The following BCL2L13 variants were observed in gnomAD, a reference collection of about 807,000 sequenced individuals.
The protein encoded by BCL2L13 is BCL2 like 13, also known as bcl-2-like protein 13.
Under a neutral mutation model 25.8 loss-of-function variants are expected in BCL2L13, and 13 were observed. The observed-to-expected ratio is 0.50, with a 90% CI of 0.33 to 0.80. The LOEUF (loss-of-function observed/expected upper bound fraction) is 0.80. Ranked by LOEUF, BCL2L13 falls within the 30% of genes least tolerant of loss-of-function variation. BCL2L13 has a pLI of 0.02. For synonymous variants in BCL2L13, 244 were observed against 230.3 expected (o/e 1.06, Z -0.54); for missense variants, 504 against 574.9 (o/e 0.88, Z 1.26).
intron 4 of BCL2L13, chr22:17,695,935 A>G (rs776998863): frequency 6.2e-6 from 3 of 484,326 alleles, no homozygotes; most frequent in African/African-American, 1.9e-5. Context: ...GTTATTAACT[A>G]TTTCCCAGGC....
At chr22:17,720,523 A>C (rs2061090533) in intron 6 of BCL2L13, among the ~76,000 whole-genome samples, 1 of 151,344 alleles carries the variant, frequency 6.6e-6, no homozygotes. Context: ...TGCCTGGCTA[A>C]TTTTTTTGTA....
In BCL2L13 at chr22:17,723,514, T is replaced by G. The variant is rs145677897; in HGVS notation, c.601-3163T>G. Among the ~76,000 whole-genome samples, 5 of 152,336 alleles carry G rather than the reference T, an allele frequency of 3.3e-5. No homozygotes were observed. The East Asian group carries it at 9.6e-4, about 29-fold the overall frequency. ...CATCCAGTTGGTATTTTAGAATAGC[T>G]CTTTGTCCTACCACCATACCACCAA... On this transcript the variant is annotated intron_variant, in intron 6 of 6. Transcript: ENST00000317582.
intron 2 of BCL2L13, among the ~76,000 whole-genome samples, chr22:17,671,127 G>A (rs2146623307): frequency 6.6e-6 from 1 of 152,192 alleles, no homozygotes; most frequent in Admixed American, 6.5e-5. Flanking sequence ...GGGCACGGTG[G>A]TTCACACCTG....
upstream of BCL2L13, among the ~76,000 whole-genome samples, chr22:17,633,776 C>G (rs898911418): frequency 6.6e-6 from 1 of 152,106 alleles, no homozygotes; most frequent in Non-Finnish European, 1.5e-5. Flanking sequence ...CACTTTTTGC[C>G]TCTTTCCAGC....
chr22:17,691,599 T>C (rs1036182607), intron 4 of BCL2L13, among the ~76,000 whole-genome samples: 2 of 152,054 alleles, frequency 1.3e-5, no homozygotes, highest in African/African-American at 4.8e-5. Context: ...TGAGCCGAGA[T>C]TGCACCACTG....
upstream of BCL2L13, among the ~76,000 whole-genome samples, chr22:17,636,052 G>A (rs924181149): frequency 9.9e-5 from 15 of 152,128 alleles, no homozygotes; most frequent in South Asian, 2.1e-4. Context: ...GGCCTGGGGC[G>A]GTGGCTCACG....
At chr22:17,664,530 T>A (rs2146572579) in intron 2 of BCL2L13, among the ~76,000 whole-genome samples, 1 of 152,308 alleles carries the variant, frequency 6.6e-6, no homozygotes, top group Middle Eastern at 3.4e-3. Context: ...GTGGCCTTCT[T>A]CTCACAGCTC....
chr22:17,694,783 A>C (rs1046895052), intron 4 of BCL2L13, among the ~76,000 whole-genome samples: 2 of 152,218 alleles, frequency 1.3e-5, no homozygotes, highest in Non-Finnish European at 2.9e-5. Flanking sequence ...ATTGATTATC[A>C]GATGAAACCT....
chr22:17,678,781 A>T (rs1225460775), intron 2 of BCL2L13, among the ~76,000 whole-genome samples: 1 of 152,166 alleles, frequency 6.6e-6, no homozygotes, highest in African/African-American at 2.4e-5. Context: ...TGTGCTGCGT[A>T]GATGCTTCAG....
chr22:17,689,220 C>T (rs1849629772), intron 4 of BCL2L13, 78 bp downstream of exon 4: 2 of 1,369,158 alleles, frequency 1.5e-6, no homozygotes, highest in Non-Finnish European at 2.0e-6. Flanking sequence ...TTGGTTAGGG[C>T]TGTGTTTTAG....
chr22:17,631,683 TATATATATATATA>T (rs2058023928), intron 1 of BCL2L13, among the ~76,000 whole-genome samples: 1 of 31,830 alleles, frequency 3.1e-5, no homozygotes, highest in Admixed American at 4.9e-4. Flanking sequence ...TATATATATA[TATATATATATATA>T]TATATATATA....
intron 2 of BCL2L13, among the ~76,000 whole-genome samples, chr22:17,670,661 G>A (rs1170076087): frequency 1.3e-5 from 2 of 151,976 alleles, no homozygotes; most frequent in African/African-American, 2.4e-5. Flanking sequence ...CACTGCGCCC[G>A]GCTTACATCA....
chr22:17,699,588 A>G (rs9617610), intron 5 of BCL2L13, among the ~76,000 whole-genome samples: 2,882 of 152,286 alleles, frequency 0.019, 82 homozygotes, highest in African/African-American at 0.066. Flanking sequence ...AAAAAATTAT[A>G]TATGATGTGG....
chr22:17,717,366 G>A (rs1032174757), intron 6 of BCL2L13, among the ~76,000 whole-genome samples: 3 of 73,282 alleles, frequency 4.1e-5, no homozygotes, highest in Non-Finnish European at 9.3e-5. Flanking sequence ...GGGCAACAGA[G>A]TGAGACTCTG....
chr22:17,686,392 G>A (rs1195591193), intron 3 of BCL2L13, among the ~76,000 whole-genome samples: 1 of 152,010 alleles, frequency 6.6e-6, no homozygotes, highest in Non-Finnish European at 1.5e-5. Flanking sequence ...ATAGGTTGTA[G>A]TGAGCCAAGA....
At chr22:17,694,348 T>C (rs1199599424) in intron 4 of BCL2L13, among the ~76,000 whole-genome samples, 1 of 152,030 alleles carries the variant, frequency 6.6e-6, no homozygotes, top group Non-Finnish European at 1.5e-5. Flanking sequence ...GGCTTATCTC[T>C]CTACCCTTGT....
chr22:17,658,696 CAAAA>C (rs34033346), intron 2 of BCL2L13, among the ~76,000 whole-genome samples: 8 of 104,918 alleles, frequency 7.6e-5, no homozygotes, highest in Admixed American at 1.1e-4. Context: ...ACTCTGTCAC[CAAAA>C]AAAAAAAAAA....
intron 2 of BCL2L13, among the ~76,000 whole-genome samples, chr22:17,682,872 G>A (rs73378723): frequency 0.054 from 8,144 of 152,204 alleles, 354 homozygotes; most frequent in African/African-American, 0.12. Context: ...AGTGGCTTAC[G>A]CCTGAAATCC....
intron 2 of BCL2L13, among the ~76,000 whole-genome samples, chr22:17,660,863 C>T (rs1027338814): frequency 3.4e-5 from 5 of 146,360 alleles, no homozygotes; most frequent in African/African-American, 1.2e-4. Flanking sequence ...TGGCTCATTG[C>T]AACCTCCACC....
Sources: allele counts gnomAD v4.1 joint callset (sites outside exome capture counted in the v4.1 genomes callset), GRCh38; gene constraint gnomAD v4.1.1; transcripts MANE v1.5; gene names NCBI Gene and HGNC (gene_info 2026-07-23, HGNC 2026-07-21).